The following FGF5 variants were observed in gnomAD, a reference collection of about 807,000 sequenced individuals.
FGF5 encodes the protein fibroblast growth factor 5.
Under a neutral mutation model 21.8 loss-of-function variants are expected in FGF5, and 23 were observed. The observed-to-expected ratio is 1.05, with a 90% CI of 0.76 to 1.49. The LOEUF (loss-of-function observed/expected upper bound fraction) is 1.49. FGF5 is among the 40% of genes most tolerant of loss of function. FGF5 has a pLI of 0.00. For missense variants in FGF5, 352 were observed against 332.9 expected (o/e 1.06, Z -0.45); for synonymous variants, 158 against 124.0 (o/e 1.27, Z -1.82).
rs775311039 is a variant in FGF5, at chr4:80,286,377, A to G, written c.512A>G (p.Tyr171Cys). The part of the protein sequence containing the change: ...KFRERFQENS[Y>C]NTYASAIHRT... ...AGGGAGCGTTTTCAAGAAAATAGCTATAATACCTATGCCTCAGCAATACAT... is the reference window on the plus strand; with the variant it reads ...AGGGAGCGTTTTCAAGAAAATAGCTGTAATACCTATGCCTCAGCAATACAT... Residue 171 changes from tyrosine (Y) to cysteine (C), a missense_variant, in exon 3 of 3, where the codon TAT becomes TGT. Physicochemically the swap from Tyr to Cys is radical, Grantham distance 194. Transcript: ENST00000312465. 2.4e-5 allele frequency: 38 copies of G among 1,612,604 alleles called. 1 individual carries two copies. Among genetic ancestry groups the G allele is most frequent in the South Asian group, 5.5e-5 (5 of 90,968 alleles).
intron 2 of FGF5, among the ~76,000 whole-genome samples, chr4:80,278,218 A>G (rs1403237574): frequency 1.3e-5 from 2 of 152,212 alleles, no homozygotes; most frequent in East Asian, 3.8e-4. Flanking sequence ...TATTACATAT[A>G]CAAATGAATA....
At position 80,266,979 on chromosome 4, in the gene FGF5, G is replaced by A. The variant is rs1174191784; in HGVS notation, c.155G>A (p.Ser52Asn). The A allele has an allele frequency of 6.2e-7, 1 of 1,614,232 alleles. No homozygotes were observed. The highest frequency in any genetic ancestry group is 8.5e-7 in the Non-Finnish European group (1 of 1,180,040). The change falls in exon 1 of 3, where the codon AGC becomes AAC. Residue 52 changes from serine (S) to asparagine (N), a missense_variant. Physicochemically the swap from Ser to Asn is conservative, Grantham distance 46. Coordinates refer to ENST00000312465, the MANE Select transcript of FGF5 (RefSeq NM_004464.4). Reference sequence around the variant, plus strand: ...TCCAGCAGCAGACAGAGCAGCAGTAGCGCTATGTCTTCCTCTTCTGCCTCC... The same window carrying A: ...TCCAGCAGCAGACAGAGCAGCAGTAACGCTATGTCTTCCTCTTCTGCCTCC... ...RGSSSRQSSS[S>N]AMSSSSASSS...
intron 2 of FGF5, among the ~76,000 whole-genome samples, chr4:80,282,320 T>G (rs1477956750): frequency 1.3e-5 from 2 of 152,148 alleles, no homozygotes; most frequent in Non-Finnish European, 2.9e-5. Flanking sequence ...AATCTGGATA[T>G]TCAAGAAAAA....
intron 2 of FGF5, among the ~76,000 whole-genome samples, chr4:80,281,941 C>T (rs1044120526): frequency 2.6e-5 from 4 of 151,950 alleles, no homozygotes; most frequent in African/African-American, 7.3e-5. Context: ...GTGAGGAGAG[C>T]CACAGTTTAC....
intron 2 of FGF5, among the ~76,000 whole-genome samples, chr4:80,280,628 G>T (rs1720525290): frequency 6.6e-6 from 1 of 151,964 alleles, no homozygotes; most frequent in African/African-American, 2.4e-5. Context: ...TACTTCTCTG[G>T]CTGAAAAAAA....
intron 2 of FGF5, among the ~76,000 whole-genome samples, chr4:80,276,041 T>C (rs1018670552): frequency 9.9e-5 from 15 of 152,032 alleles, no homozygotes; most frequent in Admixed American, 3.9e-4. Flanking sequence ...CGCCACTTGG[T>C]TTAATGTGTA....
rs753457464 is a variant in FGF5 at position 80,267,152 on chromosome 4, A to G, written c.328A>G (p.Asn110Asp). 4 of 1,611,858 alleles carry G rather than the reference A, an allele frequency of 2.5e-6. No homozygotes were observed. The highest frequency in any genetic ancestry group is 1.7e-4 in the Middle Eastern group (1 of 6,040). Residue 110 changes from asparagine (N) to aspartate (D), a missense_variant, in exon 1 of 3, where the codon AAT becomes GAT. Asn to Asp is a conservative substitution (Grantham distance 23, BLOSUM62 1). Transcript: ENST00000312465. Reference protein sequence around the residue: ...HLQIYPDGKVNGSHEANMLSV... With the variant: ...HLQIYPDGKVDGSHEANMLSV... ...GCAGATCTACCCGGATGGCAAAGTC[A>G]ATGGATCCCACGAAGCCAATATGTT...
At chr4:80,272,209 T>A (rs34278520) in intron 1 of FGF5, among the ~76,000 whole-genome samples, 1 of 152,350 alleles carries the variant, frequency 6.6e-6, no homozygotes, top group East Asian at 1.9e-4. Context: ...GAATGACATA[T>A]GTAAAGTGTA....
At chr4:80,278,786 T>G (rs1258132202) in intron 2 of FGF5, among the ~76,000 whole-genome samples, 1 of 152,210 alleles carries the variant, frequency 6.6e-6, no homozygotes, top group Non-Finnish European at 1.5e-5. Flanking sequence ...TGGTATACTC[T>G]AAATATGCAG....
At chr4:80,267,248 A>G (rs1720123671) in intron 1 of FGF5, 69 bp downstream of exon 1, 4 of 1,266,800 alleles carry the variant, frequency 3.2e-6, no homozygotes, top group Non-Finnish European at 4.4e-6. Flanking sequence ...GACAGCAGGT[A>G]TTCGCCGGGA....
At chr4:80,276,766 TAA>T (rs200626494) in intron 2 of FGF5, among the ~76,000 whole-genome samples, 146 of 139,352 alleles carry the variant, frequency 1.0e-3, no homozygotes, top group African/African-American at 3.5e-3. Context: ...GAAAAAAAAG[TAA>T]AAAAAAAAAA....
chr4:80,271,368 C>A (rs376093713), intron 1 of FGF5, among the ~76,000 whole-genome samples: 1 of 145,830 alleles, frequency 6.9e-6, no homozygotes, highest in Admixed American at 6.8e-5. Context: ...CCTTCTTCAG[C>A]CTAGGTGTCA....
At position 80,286,661 on chromosome 4, in the gene FGF5, C is replaced by G. The variant is rs137903755; in HGVS notation, c.796C>G (p.Arg266Gly). Reference protein sequence around the residue: ...TNSVKYRLKFRFG With the variant: ...TNSVKYRLKFGFG ...CTCAGTGAAATACAGACTCAAGTTT[C>G]GCTTTGGATAATATTCCTCTTGGCC... Residue 266 changes from arginine to glycine, a missense_variant, in exon 3 of 3, where the codon CGC becomes GGC. Coordinates refer to ENST00000312465, the MANE Select transcript of FGF5 (RefSeq NM_004464.4). 6.2e-7 allele frequency: 1 copy of G among 1,613,134 alleles called. No homozygotes were observed. Among genetic ancestry groups the G allele is most frequent in the South Asian group, 1.1e-5 (1 of 91,046 alleles).
intron 2 of FGF5, among the ~76,000 whole-genome samples, chr4:80,278,877 T>C (rs1197394531): frequency 6.6e-6 from 1 of 150,650 alleles, no homozygotes; most frequent in Non-Finnish European, 1.5e-5. Context: ...TGTCCAAATG[T>C]ATCAAGAATC....
At position 80,290,204 on chromosome 4, in the gene FGF5, T is replaced by C. The variant is rs1720853998; in HGVS notation, c.*3532T>C. On this transcript the variant is annotated 3_prime_UTR_variant, in exon 3 of 3. Transcript: ENST00000312465. Reference sequence around the variant, plus strand: ...CAATGGGAAGCAGACAATAACTTCTTAAAGGAATTCTACACCTCCTTTAAG... The same window carrying C: ...CAATGGGAAGCAGACAATAACTTCTCAAAGGAATTCTACACCTCCTTTAAG... 6.6e-6 allele frequency: 1 copy of C among 152,144 alleles called. No homozygotes were observed. 9.4% of individuals were successfully genotyped at this position (152,144 alleles called of 1,614,324 possible).
At chr4:80,280,860 C>T (rs1720533310) in intron 2 of FGF5, among the ~76,000 whole-genome samples, 1 of 152,026 alleles carries the variant, frequency 6.6e-6, no homozygotes, top group Admixed American at 6.6e-5. Flanking sequence ...AGTCCAGGGT[C>T]TCACCTCAGA....
intron 1 of FGF5, among the ~76,000 whole-genome samples, chr4:80,271,262 T>C (rs1720263945): frequency 6.6e-6 from 1 of 152,116 alleles, no homozygotes. Context: ...GTCAAAAATC[T>C]AGAAATATGT....
intron 2 of FGF5, 42 bp downstream of exon 2, chr4:80,275,054 AT>A: frequency 1.2e-6 from 1 of 810,352 alleles, no homozygotes; most frequent in East Asian, 2.8e-5. Context: ...TGCTATAAAG[AT>A]TTTACATTTG....
At chr4:80,277,315 T>A (rs1356188508) in intron 2 of FGF5, among the ~76,000 whole-genome samples, 1 of 152,194 alleles carries the variant, frequency 6.6e-6, no homozygotes, top group Non-Finnish European at 1.5e-5. Flanking sequence ...AAAGTCATTC[T>A]GATGACTTTG....
Sources: allele counts gnomAD v4.1 joint callset (sites outside exome capture counted in the v4.1 genomes callset), GRCh38; gene constraint gnomAD v4.1.1; transcripts MANE v1.5; gene names NCBI Gene and HGNC (gene_info 2026-07-23, HGNC 2026-07-21).